Variants in ZNF254 observed in about 807,000 individuals in gnomAD.
ZNF254 encodes the protein CTD-2017D11.1.
A neutral mutation model predicts 12.4 loss-of-function variants in ZNF254; 10 were observed. That is an observed-to-expected ratio of 0.80 (90% CI 0.50 to 1.36). The LOEUF (loss-of-function observed/expected upper bound fraction) is 1.36. Ranked by LOEUF, ZNF254 falls within the 40% of genes most tolerant of loss-of-function variation. The pLI is 0.00. For missense variants in ZNF254, 996 were observed against 763.9 expected (o/e 1.30, Z -3.58); for synonymous variants, 305 against 253.4 (o/e 1.20, Z -1.93).
At chr19:24,073,973 T>C (rs1051360065) in intron 2 of ZNF254, among the ~76,000 whole-genome samples, 1 of 152,346 alleles carries the variant, frequency 6.6e-6, no homozygotes, top group South Asian at 2.1e-4. Context: ...GATTAGATCA[T>C]GACACATCAC....
intron 1 of ZNF254, among the ~76,000 whole-genome samples, chr19:24,096,664 T>C (rs1972690638): frequency 6.6e-6 from 1 of 152,206 alleles, no homozygotes. Flanking sequence ...TCTGTAGATG[T>C]CTATTAGGAC....
At position 24,049,214 on chromosome 19, in the gene ZNF254, ATT is replaced by A. The variant is rs66491625; in HGVS notation, c.-94+2950_-94+2951del. Among the ~76,000 whole-genome samples, 407 of 40,836 alleles carry A rather than the reference ATT, an allele frequency of 1.0e-2. 5 individuals are homozygous for A. The highest frequency in any genetic ancestry group is 0.022 in the South Asian group (26 of 1,208). 26.8% of individuals were successfully genotyped at this position (40,836 alleles called of 152,430 possible). The stretch of plus-strand genomic sequence containing the variant: ...TATATATATATATATATATATATAT[ATT>A]TTTTTTTTTTTTTTAATTTATTTAT... On this transcript the variant is annotated intron_variant, in intron 2 of 4. Coordinates refer to the ZNF254 transcript ENST00000613065.
intron 2 of ZNF254, among the ~76,000 whole-genome samples, chr19:24,072,336 T>C (rs922781685): frequency 3.3e-5 from 5 of 152,104 alleles, no homozygotes; most frequent in East Asian, 1.9e-4. Context: ...CACACCTGGC[T>C]AATTTTTGTA....
At chr19:24,039,550 A>C (rs1025476443) in intron 1 of ZNF254, among the ~76,000 whole-genome samples, 6 of 152,074 alleles carry the variant, frequency 3.9e-5, no homozygotes, top group Admixed American at 3.9e-4. Flanking sequence ...TCAGCCTCCC[A>C]AGTAGCTGGG....
At chr19:24,084,132 T>C (rs1971943435), upstream of ZNF254, among the ~76,000 whole-genome samples, 1 of 148,292 alleles carries the variant, frequency 6.7e-6, no homozygotes, top group Non-Finnish European at 1.5e-5. Context: ...ATGTGGCATA[T>C]ACCACATTTT....
At chr19:24,073,065 A>G (rs1248845115) in intron 2 of ZNF254, among the ~76,000 whole-genome samples, 1 of 152,194 alleles carries the variant, frequency 6.6e-6, no homozygotes, top group African/African-American at 2.4e-5. Context: ...TAATGTCATA[A>G]AGGATTACTT....
rs531458380 is a variant in ZNF254 at position 24,090,154 on chromosome 19, C to T, written c.30+2817C>T. ...CGGAGGTTGCAGTGAGTGGATATCACGCCACTGCACTCCAGCCTGGGCGAC... is the reference window on the plus strand; with the variant it reads ...CGGAGGTTGCAGTGAGTGGATATCATGCCACTGCACTCCAGCCTGGGCGAC... On this transcript the variant is annotated intron_variant, in intron 1 of 3. Coordinates refer to ENST00000357002, the MANE Select transcript of ZNF254 (RefSeq NM_203282.4). 5.9e-5 allele frequency among the ~76,000 whole-genome samples: 9 copies of T among 151,966 alleles called. No individual in the cohort carries two copies. In the South Asian group the frequency reaches 1.7e-3, roughly 28 times the overall value.
rs1555753129 is a variant in ZNF254, at chr19:24,055,232, A to AAAAAAAAAAAAAAAAAG, written c.-94+8953_-94+8954insAAAAAAAAAAAAAAAAG. Among the ~76,000 whole-genome samples the AAAAAAAAAAAAAAAAAG allele has an allele frequency of 4.9e-3, 603 of 122,592 alleles. 54 individuals are homozygous for AAAAAAAAAAAAAAAAAG. Among genetic ancestry groups the AAAAAAAAAAAAAAAAAG allele is most frequent in the Non-Finnish European group, 8.3e-3 (459 of 55,408 alleles). 80.4% of individuals were successfully genotyped at this position (122,592 alleles called of 152,430 possible). On this transcript the variant is annotated intron_variant, in intron 2 of 4. Transcript: ENST00000613065. Reference sequence around the variant, plus strand: ...AAAAAAAAAAAAAAAAAAAAAAAAAAGAGTGTACTAACAAGACCCAGCACA... The same window carrying AAAAAAAAAAAAAAAAAG: ...AAAAAAAAAAAAAAAAAAAAAAAAAAAAAAAAAAAAAAAAAAGGAGTGTACTAACAAGACCCAGCACA...
intron 2 of ZNF254, among the ~76,000 whole-genome samples, chr19:24,053,308 T>C (rs1970717187): frequency 6.6e-6 from 1 of 152,164 alleles, no homozygotes; most frequent in Non-Finnish European, 1.5e-5. Context: ...ACACCCAACA[T>C]ACAGAGGGTA....
intron 1 of ZNF254, among the ~76,000 whole-genome samples, chr19:24,089,683 A>G (rs1972249780): frequency 1.3e-5 from 2 of 152,096 alleles, no homozygotes; most frequent in South Asian, 4.1e-4. Context: ...CCCTGAGTCT[A>G]AAAGGCATTT....
intron 1 of ZNF254, among the ~76,000 whole-genome samples, chr19:24,102,407 A>G (rs1226992779): frequency 6.7e-6 from 1 of 149,362 alleles, no homozygotes; most frequent in Non-Finnish European, 1.5e-5. Context: ...TTTTTCTTTT[A>G]GGTAAGCTTA....
chr19:24,105,105 C>G (rs1973255717), intron 1 of ZNF254: 1 of 153,798 alleles, frequency 6.5e-6, no homozygotes, highest in East Asian at 1.9e-4. Context: ...CATCAGCACA[C>G]TATAAAAACC....
Position 24,127,133 on chromosome 19 carries a change from A to G in ZNF254, c.1133A>G (p.Tyr378Cys). The change falls in exon 4 of 4, where the codon TAC (tyrosine) becomes TGC (cysteine). Residue 378 changes from tyrosine (Y) to cysteine (C), a missense_variant. By Grantham distance (194) the Tyr-to-Cys change is radical. Transcript: ENST00000357002. ...HKIIHTGEKR[Y>C]KCLECGKAFK... ...ATAATTCATACTGGAGAGAAACGCT[A>G]CAAATGCTTAGAATGTGGCAAAGCT... 1.2e-6 allele frequency: 2 copies of G among 1,613,680 alleles called. No homozygotes were observed. Among genetic ancestry groups the G allele is most frequent in the Non-Finnish European group, 1.7e-6 (2 of 1,179,822 alleles).
chr19:24,081,896 G>A (rs925745317), intron 2 of ZNF254, among the ~76,000 whole-genome samples: 2 of 152,286 alleles, frequency 1.3e-5, no homozygotes, highest in Middle Eastern at 3.4e-3. Flanking sequence ...GCCAAGGCAG[G>A]TGGATCACCT....
rs533349377 is a variant in ZNF254 at position 24,123,613 on chromosome 19, C to T, written c.254-2641C>T. 2.9e-3 allele frequency among the ~76,000 whole-genome samples: 446 copies of T among 152,062 alleles called. 2 individuals carry two copies. The highest frequency in any genetic ancestry group is 5.7e-3 in the African/African-American group (235 of 41,470). ...AGACACACACACACACACCTGCGTG[C>T]GTGCACAAACACATACACACACACA... On this transcript the variant is annotated intron_variant, in intron 3 of 3. Transcript: ENST00000357002.
At chr19:24,066,723 CAAAACAAAACAA>C (rs1971285896) in intron 2 of ZNF254, 1 of 131,316 alleles carries the variant, frequency 7.6e-6, no homozygotes, top group African/African-American at 3.4e-5. Context: ...CAAAACAAAA[CAAAACAAAACAA>C]ATAAAACCAC....
intron 2 of ZNF254, chr19:24,064,776 C>T (rs892285144): frequency 5.9e-5 from 9 of 152,212 alleles, no homozygotes; most frequent in African/African-American, 1.9e-4. Context: ...ATCCACCGAC[C>T]TCAGCCTCCT....
intron 2 of ZNF254, among the ~76,000 whole-genome samples, chr19:24,049,199 TATA>T (rs1568426341): frequency 7.3e-4 from 49 of 67,294 alleles, no homozygotes; most frequent in African/African-American, 1.8e-3. Flanking sequence ...TATATATATA[TATA>T]TATATATATA....
intron 2 of ZNF254, among the ~76,000 whole-genome samples, chr19:24,055,439 C>T (rs1007781634): frequency 8.6e-5 from 13 of 151,724 alleles, no homozygotes; most frequent in South Asian, 4.2e-4. Flanking sequence ...CCACCATGCC[C>T]GGCTAATTTT....
Sources: gnomAD v4.1 joint callset for allele counts (sites outside exome capture counted in the v4.1 genomes callset) on GRCh38, gnomAD v4.1.1 for gene constraint, MANE v1.5 for transcripts, NCBI Gene and HGNC (gene_info 2026-07-23, HGNC 2026-07-21) for gene names.